The following ARHGAP42 variants were observed in gnomAD, a reference collection of about 807,000 sequenced individuals.
The protein encoded by ARHGAP42 is Rho GTPase activating protein 42.
Under a neutral mutation model 125.0 loss-of-function variants are expected in ARHGAP42, and 63 were observed. The observed-to-expected ratio is 0.50, with a 90% CI of 0.41 to 0.62. ARHGAP42 has a LOEUF of 0.62. Ranked by LOEUF, ARHGAP42 falls within the 20% of genes least tolerant of loss-of-function variation. The pLI, the probability that ARHGAP42 is intolerant of heterozygous loss-of-function variation, is 0.00. For synonymous variants in ARHGAP42, 339 were observed against 351.0 expected (o/e 0.97, Z 0.38); for missense variants, 766 against 1,024.2 (o/e 0.75, Z 3.44).
At chr11:100,919,236 G>A (rs769679557) in intron 5 of ARHGAP42, among the ~76,000 whole-genome samples, 2 of 152,108 alleles carry the variant, frequency 1.3e-5, no homozygotes, top group South Asian at 2.1e-4. Flanking sequence ...CATAGCACTC[G>A]CTTCCTGGCA....
chr11:100,958,091 T>C (rs994070423), intron 12 of ARHGAP42, among the ~76,000 whole-genome samples: 7 of 113,396 alleles, frequency 6.2e-5, no homozygotes, highest in Non-Finnish European at 1.3e-4. Flanking sequence ...TGCTAGTGTC[T>C]TGCTTTTACC....
intron 5 of ARHGAP42, among the ~76,000 whole-genome samples, chr11:100,916,365 A>G (rs11600707): frequency 0.17 from 26,648 of 152,276 alleles, 3,192 homozygotes; most frequent in Middle Eastern, 0.27. Context: ...TAAACAACAT[A>G]TGACATGGGG....
intron 3 of ARHGAP42, among the ~76,000 whole-genome samples, chr11:100,801,722 C>A (rs1288341615): frequency 6.6e-6 from 1 of 152,072 alleles, no homozygotes; most frequent in Admixed American, 6.5e-5. Flanking sequence ...TGTTTCAGAA[C>A]CTTTTGAGGA....
intron 1 of ARHGAP42, among the ~76,000 whole-genome samples, chr11:100,761,961 T>C (rs1862709524): frequency 1.3e-5 from 2 of 152,228 alleles, no homozygotes; most frequent in Non-Finnish European, 2.9e-5. Flanking sequence ...AAGTACTTGC[T>C]CTGAAACACA....
chr11:100,799,169 T>G (rs73007660), intron 3 of ARHGAP42, among the ~76,000 whole-genome samples: 3,166 of 152,316 alleles, frequency 0.021, 42 homozygotes, highest in Non-Finnish European at 0.032. Context: ...AGAATTAAAG[T>G]ACGATTCAGG....
In ARHGAP42 at chr11:100,943,812, A is replaced by G; in HGVS notation, c.987A>G (p.Arg329=). ...TGTTTAAATTAAAATCTTGTATCCG[A>G]CGAAAGACAGATTCAATTGACAAAC... ...PEMFKLKSCI[R]RKTDSIDKRF... Residue 329 remains arginine (R), a synonymous_variant, in exon 10 of 24, where the codon CGA becomes CGG. Transcript: ENST00000298815. 1 of 1,549,916 alleles carries G rather than the reference A, an allele frequency of 6.5e-7. No individual in the cohort carries two copies. Among genetic ancestry groups the G allele is most frequent in the Admixed American group, 2.0e-5 (1 of 50,932 alleles).
chr11:100,867,495 A>T (rs1018050147), intron 4 of ARHGAP42, among the ~76,000 whole-genome samples: 1 of 152,208 alleles, frequency 6.6e-6, no homozygotes, highest in African/African-American at 2.4e-5. Flanking sequence ...CTAGCTTCAA[A>T]CATTTCTTCT....
chr11:100,743,238 G>T (rs113340325), intron 1 of ARHGAP42, among the ~76,000 whole-genome samples: 3,962 of 152,190 alleles, frequency 0.026, 67 homozygotes, highest in Non-Finnish European at 0.031. Context: ...ACTCCTTTTA[G>T]CATTTCTTGT....
chr11:100,953,404 T>C (rs974508566), intron 12 of ARHGAP42, among the ~76,000 whole-genome samples: 26 of 152,220 alleles, frequency 1.7e-4, no homozygotes, highest in African/African-American at 6.0e-4. Context: ...GTAAAATATA[T>C]AACTTAGGTA....
chr11:100,925,170 CTTT>C (rs983668766), intron 6 of ARHGAP42, among the ~76,000 whole-genome samples: 1 of 151,898 alleles, frequency 6.6e-6, no homozygotes, highest in African/African-American at 2.4e-5. Flanking sequence ...TATAAGCCAT[CTTT>C]TTTCCAGTTT....
chr11:100,866,857 C>A (rs1045356014), intron 4 of ARHGAP42, among the ~76,000 whole-genome samples: 1 of 152,056 alleles, frequency 6.6e-6, no homozygotes, highest in African/African-American at 2.4e-5. Context: ...TTTTTTTAAT[C>A]ATAAGACTTG....
chr11:100,848,255 A>G (rs1865118492), intron 3 of ARHGAP42, among the ~76,000 whole-genome samples: 2 of 152,154 alleles, frequency 1.3e-5, no homozygotes, highest in South Asian at 2.1e-4. Flanking sequence ...TTTCCCTCCA[A>G]CATTTTCAGA....
At position 100,717,021 on chromosome 11, in the gene ARHGAP42, C is replaced by A. The variant is rs148042735; in HGVS notation, c.154+29189C>A. Among the ~76,000 whole-genome samples, 57 of 152,254 alleles carry A rather than the reference C, an allele frequency of 3.7e-4. No homozygotes were observed. In the East Asian group the frequency reaches 7.3e-3, roughly 20 times the overall value. Reference sequence around the variant, plus strand: ...AACAGCTTAGACATCTGTTGAATAACACACATCACTAAACATTTATCATCT... The same window carrying A: ...AACAGCTTAGACATCTGTTGAATAAAACACATCACTAAACATTTATCATCT... On this transcript the variant is annotated intron_variant, in intron 1 of 23. Coordinates refer to ENST00000298815, the MANE Select transcript of ARHGAP42 (RefSeq NM_152432.4).
intron 10 of ARHGAP42, among the ~76,000 whole-genome samples, chr11:100,945,505 T>G (rs1336346559): frequency 6.6e-6 from 1 of 152,126 alleles, no homozygotes; most frequent in Non-Finnish European, 1.5e-5. Context: ...TGAAATGTGT[T>G]TCTTAAATAA....
intron 4 of ARHGAP42, among the ~76,000 whole-genome samples, chr11:100,864,645 A>C (rs1347594242): frequency 6.6e-6 from 1 of 152,226 alleles, no homozygotes; most frequent in Non-Finnish European, 1.5e-5. Flanking sequence ...ACAGAAACAA[A>C]CTGGGAAGAG....
intron 4 of ARHGAP42, among the ~76,000 whole-genome samples, chr11:100,868,410 T>C (rs987649394): frequency 6.6e-6 from 1 of 152,214 alleles, no homozygotes; most frequent in Non-Finnish European, 1.5e-5. Context: ...AACCAGATGT[T>C]GCCTTAAGCA....
intron 3 of ARHGAP42, among the ~76,000 whole-genome samples, chr11:100,840,174 A>G (rs997338555): frequency 6.6e-6 from 1 of 152,196 alleles, no homozygotes; most frequent in African/African-American, 2.4e-5. Flanking sequence ...CTTTTAAAAC[A>G]GCTAAATGTT....
chr11:100,961,090 T>G, intron 14 of ARHGAP42, 101 bp downstream of exon 14: 1 of 740,182 alleles, frequency 1.4e-6, no homozygotes, highest in Non-Finnish European at 2.0e-6. Context: ...TATTTTCAAA[T>G]AATATTTAAA....
chr11:100,954,041 C>T (rs1283011345), intron 12 of ARHGAP42, among the ~76,000 whole-genome samples: 2 of 152,038 alleles, frequency 1.3e-5, no homozygotes, highest in African/African-American at 4.8e-5. Flanking sequence ...CCTTTCCTGC[C>T]CCAAGACCTC....
Sources: allele counts gnomAD v4.1 joint callset (sites outside exome capture counted in the v4.1 genomes callset), GRCh38; gene constraint gnomAD v4.1.1; transcripts MANE v1.5; gene names NCBI Gene and HGNC (gene_info 2026-07-23, HGNC 2026-07-21).